The following ZNF701 variants were observed in gnomAD, a reference collection of about 807,000 sequenced individuals.
The protein encoded by ZNF701 is zinc finger protein 701.
ZNF701 carries 6 observed loss-of-function variants against 7.1 expected under a neutral mutation model. The observed-to-expected ratio is 0.84, with a 90% CI of 0.46 to 1.66. ZNF701 has a LOEUF of 1.66. Among genes scored for constraint, ZNF701 ranks in the 40% most tolerant of loss-of-function variants. ZNF701 has a pLI of 0.01. For synonymous variants in ZNF701, 166 were observed against 188.2 expected (o/e 0.88, Z 0.97); for missense variants, 541 against 559.2 (o/e 0.97, Z 0.33).
intron 3 of ZNF701, among the ~76,000 whole-genome samples, chr19:52,581,529 T>C (rs954707988): frequency 1.3e-5 from 2 of 152,182 alleles, no homozygotes; most frequent in Non-Finnish European, 2.9e-5. Flanking sequence ...CTTGTTTCTT[T>C]AGAGATGGAG....
Position 52,583,003 on chromosome 19 carries a change from G to A in ZNF701, c.944G>A (p.Arg315His), listed in dbSNP as rs556282766. The A allele has an allele frequency of 1.6e-5, 26 of 1,613,760 alleles. No individual in the cohort carries two copies. The Middle Eastern group carries it at 5.0e-4, about 31-fold the overall frequency. ...KVFNQQSNLA[R>H]HHRVHTGEKP... ...TTTAATCAACAATCAAACCTTGCAC[G>A]TCATCATAGAGTTCATACTGGAGAG... The change falls in exon 4 of 4, where the codon CGT (arginine) becomes CAT (histidine). Residue 315 changes from arginine to histidine, a missense_variant. Physicochemically the swap from Arg to His is conservative, Grantham distance 29. Coordinates refer to ENST00000391785, the MANE Select transcript of ZNF701 (RefSeq NM_018260.3).
the ZNF701 span, chr19:52,596,167 A>G: frequency 1.5e-6 from 1 of 679,446 alleles, no homozygotes; most frequent in African/African-American, 1.8e-5. Flanking sequence ...GTTTAAGGAG[A>G]CATCACGTAA....
the ZNF701 span, chr19:52,597,463 G>T: frequency 2.3e-6 from 1 of 428,332 alleles, no homozygotes; most frequent in Admixed American, 2.9e-5. Flanking sequence ...AGCTTTAATT[G>T]ACATTAGAGC....
intron 2 of ZNF701, among the ~76,000 whole-genome samples, chr19:52,575,171 G>A (rs956964207): frequency 4.5e-4 from 68 of 151,998 alleles, no homozygotes; most frequent in Admixed American, 3.3e-4. Flanking sequence ...GGGTTTCACC[G>A]TGTTAGCCAG....
chr19:52,589,111 C>G (rs1356029981), downstream of ZNF701, among the ~76,000 whole-genome samples: 1 of 152,182 alleles, frequency 6.6e-6, no homozygotes, highest in Non-Finnish European at 1.5e-5. Context: ...GCTATTTCCT[C>G]TTTTACATCT....
downstream of ZNF701, chr19:52,588,709 A>C: frequency 4.2e-6 from 1 of 237,338 alleles, no homozygotes; most frequent in Non-Finnish European, 8.7e-6. Context: ...GAAGCGTCCT[A>C]ACTCACAAGT....
chr19:52,595,224 C>T, the ZNF701 span, among the ~76,000 whole-genome samples: 16 of 150,480 alleles, frequency 1.1e-4, no homozygotes, highest in Non-Finnish European at 2.1e-4. Context: ...ATAACTGTTG[C>T]TTTTTGTGTA....
Position 52,582,484 on chromosome 19 carries a change from C to T in ZNF701, c.425C>T (p.Ser142Leu), listed in dbSNP as rs777605370. 7 of 1,614,196 alleles carry T rather than the reference C, an allele frequency of 4.3e-6. No individual in the cohort carries two copies. The Admixed American group carries it at 1.2e-4, about 27-fold the overall frequency. The change falls in exon 4 of 4, where the codon TCA becomes TTA. Residue 142 changes from serine to leucine, a missense_variant. Physicochemically the swap from Ser to Leu is moderately radical, Grantham distance 145. Coordinates refer to ENST00000391785, the MANE Select transcript of ZNF701 (RefSeq NM_018260.3). ...AAACCTATTAAAAATGAGCTTGGAT[C>T]AAGCTTTCATTCGCATCTGCCTGAA... ...GNKPIKNELG[S>L]SFHSHLPEVH...
intron 1 of ZNF701, 140 bp from the exon 2 acceptor site, chr19:52,573,937 G>T: frequency 1.1e-6 from 1 of 920,926 alleles, no homozygotes; most frequent in Non-Finnish European, 1.6e-6. Context: ...TTTTCTTATA[G>T]AAATTTATTA....
In ZNF701 at chr19:52,579,828, C is replaced by T. The variant is rs959494962; in HGVS notation, c.143-2374C>T. Among the ~76,000 whole-genome samples the T allele has an allele frequency of 2.9e-5, 4 of 139,302 alleles. 1 individual carries two copies. The highest frequency in any genetic ancestry group is 1.3e-4 in the African/African-American group (4 of 31,504). The allele number at this position is 139,302 out of a possible 152,430, so 91.4% of individuals were successfully genotyped here. A position where few individuals can be genotyped will look rare whatever the true frequency, so the allele number is the denominator to read the frequency against. ...GGTAGAGGTTGCAGTGAGCTGAGAT[C>T]GCACCGTCGCACTCCAGCATGGGAG... On this transcript the variant is annotated intron_variant, in intron 3 of 3. Transcript: ENST00000391785.
chr19:52,597,473 C>G, the ZNF701 span: 1,545 of 407,994 alleles, frequency 3.8e-3, 5 homozygotes, highest in Non-Finnish European at 5.6e-3. Context: ...GACATTAGAG[C>G]CAAATAGGCA....
At chr19:52,587,632 G>A (rs960013155), downstream of ZNF701, among the ~76,000 whole-genome samples, 10 of 152,094 alleles carry the variant, frequency 6.6e-5, no homozygotes, top group South Asian at 4.1e-4. Context: ...CTCCTTCACC[G>A]TTCACTGGAT....
chr19:52,579,203 G>A (rs1396399438), intron 3 of ZNF701, among the ~76,000 whole-genome samples: 1 of 143,136 alleles, frequency 7.0e-6, no homozygotes, highest in Non-Finnish European at 1.5e-5. Flanking sequence ...AGTAGTTTTG[G>A]GAAGTGGTTA....
chr19:52,595,850 C>T, the ZNF701 span: 1,722 of 1,612,440 alleles, frequency 1.1e-3, 25 homozygotes, highest in African/African-American at 0.02. Flanking sequence ...TACAGACTGA[C>T]GTGATCAAAG....
chr19:52,583,708 A>T lies in ZNF701; in HGVS notation c.*251A>T, dbSNP rs551457447. The T allele has an allele frequency of 1.3e-4, 101 of 806,650 alleles. No homozygotes were observed. The highest frequency in any genetic ancestry group is 1.2e-3 in the South Asian group (83 of 68,992). 50.0% of individuals were successfully genotyped at this position (806,650 alleles called of 1,614,324 possible). A position where few individuals can be genotyped will look rare whatever the true frequency, so the allele number is the denominator to read the frequency against. On this transcript the variant is annotated 3_prime_UTR_variant, in exon 4 of 4. Transcript: ENST00000391785. ...ATTCACACTGGAAAGGAACTGTACA[A>T]GTGTAATGAGTGTGGCAGAGCCTTT...
downstream of ZNF701, among the ~76,000 whole-genome samples, chr19:52,587,400 T>C (rs1600093447): frequency 6.6e-6 from 1 of 152,156 alleles, no homozygotes; most frequent in South Asian, 2.1e-4. Context: ...GGGACTGAGG[T>C]TGCTCCTATC....
At chr19:52,588,584 GA>G, downstream of ZNF701, 6 of 398,728 alleles carry the variant, frequency 1.5e-5, no homozygotes, top group East Asian at 7.3e-5. Context: ...GAAGGGCAAA[GA>G]AAAGGAGCCA....
intron 3 of ZNF701, 41 bp from the exon 4 acceptor site, chr19:52,582,161 C>T (rs1481102224): frequency 1.0e-5 from 15 of 1,498,816 alleles, no homozygotes; most frequent in Non-Finnish European, 1.3e-5. Flanking sequence ...TGTATAACTT[C>T]CGTACTTAAT....
chr19:52,574,156 T>A lies in ZNF701; in HGVS notation c.9T>A (p.Leu3=). Residue 3 remains leucine (L), a synonymous_variant, in exon 2 of 4, where the codon CTT becomes CTA. Transcript: ENST00000391785. ...AAGCAAAGGAGTCAGGGATGGCTCT[T>A]CTTCAGGTGAGATGATATTCTCGGG... is the stretch of plus-strand genomic sequence containing the variant. MA[L]LQGLLTFRDV... 1 of 1,611,544 alleles carries A rather than the reference T, an allele frequency of 6.2e-7. No homozygotes were observed. Among genetic ancestry groups the A allele is most frequent in the Non-Finnish European group, 8.5e-7 (1 of 1,178,574 alleles).
Sources: gnomAD v4.1 joint callset for allele counts (sites outside exome capture counted in the v4.1 genomes callset) on GRCh38, gnomAD v4.1.1 for gene constraint, MANE v1.5 for transcripts, NCBI Gene and HGNC (gene_info 2026-07-23, HGNC 2026-07-21) for gene names.